PABPC4L: variants seen among roughly 807,000 people sequenced by gnomAD.
PABPC4L encodes the protein polyadenylate-binding protein 4-like.
For synonymous variants in PABPC4L, 169 were observed against 164.1 expected (o/e 1.03, Z -0.23); for missense variants, 452 against 451.4 (o/e 1.00, Z -0.01).
chr4:134,133,322 T>G, the PABPC4L span, among the ~76,000 whole-genome samples: 476 of 141,842 alleles, frequency 3.4e-3, 4 homozygotes, highest in African/African-American at 9.5e-3. Context: ...CATAATTATA[T>G]ATTTAATTTT....
At chr4:133,985,827 TTTC>T in the PABPC4L span, among the ~76,000 whole-genome samples, 1 of 152,012 alleles carries the variant, frequency 6.6e-6, no homozygotes, top group Non-Finnish European at 1.5e-5. Flanking sequence ...AACCAAATAA[TTTC>T]TTATCATGAA....
the PABPC4L span, among the ~76,000 whole-genome samples, chr4:134,015,868 C>G: frequency 6.6e-6 from 1 of 152,068 alleles, no homozygotes; most frequent in South Asian, 2.1e-4. Context: ...AAACTATGCT[C>G]AACTCACTCT....
chr4:134,090,058 A>G, the PABPC4L span, among the ~76,000 whole-genome samples: 2 of 152,080 alleles, frequency 1.3e-5, no homozygotes, highest in African/African-American at 4.8e-5. Context: ...AGAAAGGATT[A>G]CTCCGTTCTC....
the PABPC4L span, among the ~76,000 whole-genome samples, chr4:134,009,216 A>G: frequency 6.6e-6 from 1 of 151,940 alleles, no homozygotes; most frequent in Non-Finnish European, 1.5e-5. Context: ...ATTATTTTTA[A>G]CTAGAGAAAT....
chr4:134,120,680 T>G, the PABPC4L span, among the ~76,000 whole-genome samples: 19 of 151,430 alleles, frequency 1.3e-4, no homozygotes, highest in African/African-American at 4.6e-4. Flanking sequence ...GTCATTCTTA[T>G]TATAAAGTCA....
the PABPC4L span, among the ~76,000 whole-genome samples, chr4:134,153,814 T>G: frequency 1.4e-5 from 2 of 138,434 alleles, no homozygotes; most frequent in African/African-American, 2.9e-5. Context: ...TGCCTAGTTT[T>G]TTTTTTTTTT....
At chr4:134,118,662 A>C in the PABPC4L span, among the ~76,000 whole-genome samples, 1 of 151,858 alleles carries the variant, frequency 6.6e-6, no homozygotes, top group African/African-American at 2.4e-5. Context: ...TAATTAATAC[A>C]GCTGGATTTT....
the PABPC4L span, among the ~76,000 whole-genome samples, chr4:134,123,801 G>A: frequency 6.6e-6 from 1 of 151,614 alleles, no homozygotes; most frequent in Non-Finnish European, 1.5e-5. Flanking sequence ...AGCGTATTTA[G>A]TATTTGGTAG....
At chr4:134,023,457 A>G in the PABPC4L span, among the ~76,000 whole-genome samples, 1 of 152,104 alleles carries the variant, frequency 6.6e-6, no homozygotes, top group African/African-American at 2.4e-5. Context: ...TGATCTGGAA[A>G]AGTATTATAA....
the PABPC4L span, among the ~76,000 whole-genome samples, chr4:134,065,316 TG>T: frequency 8.5e-6 from 1 of 117,830 alleles, no homozygotes; most frequent in African/African-American, 3.3e-5. Flanking sequence ...TATCTCATTG[TG>T]ATTTTGGTTT....
At chr4:133,999,205 A>C in the PABPC4L span, among the ~76,000 whole-genome samples, 2 of 152,054 alleles carry the variant, frequency 1.3e-5, no homozygotes, top group African/African-American at 4.8e-5. Flanking sequence ...GAAAGTTCCT[A>C]TGCTGTGTAA....
chr4:133,996,452 C>T, the PABPC4L span, among the ~76,000 whole-genome samples: 3 of 152,172 alleles, frequency 2.0e-5, no homozygotes, highest in South Asian at 6.2e-4. Flanking sequence ...CTTTAAGCAG[C>T]TGTTTCAGTA....
the PABPC4L span, among the ~76,000 whole-genome samples, chr4:133,992,047 T>C: frequency 6.6e-6 from 1 of 152,252 alleles, no homozygotes; most frequent in African/African-American, 2.4e-5. Context: ...TGCTAAGATG[T>C]CCCAGGTGCC....
the PABPC4L span, among the ~76,000 whole-genome samples, chr4:134,059,194 A>C: frequency 6.6e-6 from 1 of 151,844 alleles, no homozygotes; most frequent in Non-Finnish European, 1.5e-5. Context: ...CTACTCCAAA[A>C]ATGATCTGAT....
chr4:134,004,569 C>G, the PABPC4L span, among the ~76,000 whole-genome samples: 1 of 151,706 alleles, frequency 6.6e-6, no homozygotes, highest in Non-Finnish European at 1.5e-5. Context: ...TATGGAGGTT[C>G]CTCAGAAAAT....
the PABPC4L span, among the ~76,000 whole-genome samples, chr4:134,012,361 T>C: frequency 1.1e-3 from 164 of 152,180 alleles, no homozygotes; most frequent in African/African-American, 3.8e-3. Flanking sequence ...GACATTGTCT[T>C]GTGAAATTCC....
chr4:134,201,223 C>A lies in PABPC4L; in HGVS notation c.-204G>T, dbSNP rs1419464284. ...AAGTCCCCACAGCCACCAATCTGGCCCTCCTAGGACGCGGCAACAGAACTG... is the reference window on the plus strand; with the variant it reads ...AAGTCCCCACAGCCACCAATCTGGCACTCCTAGGACGCGGCAACAGAACTG... On this transcript the variant is annotated 5_prime_UTR_variant, in exon 2 of 2. Coordinates refer to ENST00000421491, the MANE Select transcript of PABPC4L (RefSeq NM_001114734.2). The A allele has an allele frequency of 6.5e-7, 1 of 1,539,876 alleles. No homozygotes were observed. The highest frequency in any genetic ancestry group is 8.8e-7 in the Non-Finnish European group (1 of 1,141,288).
At chr4:134,031,199 T>C in the PABPC4L span, among the ~76,000 whole-genome samples, 2 of 152,058 alleles carry the variant, frequency 1.3e-5, no homozygotes, top group Non-Finnish European at 2.9e-5. Flanking sequence ...TGTTATAGTT[T>C]ATAGTACCTC....
downstream of PABPC4L, among the ~76,000 whole-genome samples, chr4:134,192,105 T>C (rs1028812528): frequency 1.3e-5 from 2 of 151,894 alleles, no homozygotes; most frequent in Non-Finnish European, 2.9e-5. Context: ...ACAGCCAGAG[T>C]AGAAACATTC....
Sources: gnomAD v4.1 joint callset for allele counts (sites outside exome capture counted in the v4.1 genomes callset) on GRCh38, gnomAD v4.1.1 for gene constraint, MANE v1.5 for transcripts, NCBI Gene and HGNC (gene_info 2026-07-23, HGNC 2026-07-21) for gene names.